PPP3CA: variants seen among roughly 807,000 people sequenced by gnomAD.
PPP3CA encodes protein phosphatase 3 catalytic subunit alpha.
In PPP3CA, 14 loss-of-function variants were observed where a neutral mutation model predicts 66.5. That is an observed-to-expected ratio of 0.21 (90% CI 0.14 to 0.33). The LOEUF (loss-of-function observed/expected upper bound fraction) is 0.33, where lower values mean the gene tolerates loss of function less well. Among genes scored for constraint, PPP3CA ranks in the 10% least tolerant of loss-of-function variants. The probability of loss-of-function intolerance (pLI) is 1.00; values close to 1 mark genes in which losing one functional copy is unlikely to be tolerated. For synonymous variants in PPP3CA, 232 were observed against 226.2 expected (o/e 1.03, Z -0.23); for missense variants, 317 against 639.5 (o/e 0.50, Z 5.44).
intron 2 of PPP3CA, among the ~76,000 whole-genome samples, chr4:101,123,970 A>T (rs1722116172): frequency 6.6e-6 from 1 of 152,214 alleles, no homozygotes; most frequent in Non-Finnish European, 1.5e-5. Flanking sequence ...GTACAGGTTA[A>T]TACTTCGGCA....
chr4:101,178,334 T>C (rs930443899), intron 2 of PPP3CA, among the ~76,000 whole-genome samples: 1 of 152,144 alleles, frequency 6.6e-6, no homozygotes, highest in African/African-American at 2.4e-5. Context: ...CAGATTTTAT[T>C]TGTCAGTAGC....
chr4:101,108,495 G>T (rs1721521667), intron 3 of PPP3CA, among the ~76,000 whole-genome samples: 1 of 152,208 alleles, frequency 6.6e-6, no homozygotes, highest in Admixed American at 6.5e-5. Context: ...GCCGGGCATG[G>T]TGGCTCACGC....
At chr4:101,345,874 G>A (rs1454093747) in intron 1 of PPP3CA, among the ~76,000 whole-genome samples, 1 of 152,248 alleles carries the variant, frequency 6.6e-6, no homozygotes, top group African/African-American at 2.4e-5. Flanking sequence ...GGAGGAAGCA[G>A]GCGGAATGAG....
intron 1 of PPP3CA, among the ~76,000 whole-genome samples, chr4:101,239,317 T>C (rs1726226508): frequency 6.6e-6 from 1 of 152,140 alleles, no homozygotes; most frequent in African/African-American, 2.4e-5. Flanking sequence ...CTAAAACAGT[T>C]TGATGTCACT....
Position 101,124,713 on chromosome 4 carries a change from GAAAGAA to G in PPP3CA, c.260-15641_260-15636del, listed in dbSNP as rs1722158188. ...AGAAAGAAAGAAAGAAAGAAAGAAA[GAAAGAA>G]AGAAAGAGAAAGAAAGAAAGAAAGA... On this transcript the variant is annotated intron_variant, in intron 2 of 13. Transcript: ENST00000394854. 7.8e-5 allele frequency among the ~76,000 whole-genome samples: 7 copies of G among 89,470 alleles called. No homozygotes were observed. The South Asian group carries it at 1.9e-3, about 24-fold the overall frequency. The allele number at this position is 89,470 out of a possible 152,430, so 58.7% of individuals were successfully genotyped here.
At chr4:101,262,401 T>A (rs999803564) in intron 1 of PPP3CA, among the ~76,000 whole-genome samples, 3 of 152,172 alleles carry the variant, frequency 2.0e-5, no homozygotes, top group Non-Finnish European at 4.4e-5. Flanking sequence ...ATTTACATTA[T>A]TGAAATCTTT....
chr4:101,214,339 T>TTAATAA (rs148221856), intron 1 of PPP3CA, among the ~76,000 whole-genome samples: 5 of 151,694 alleles, frequency 3.3e-5, no homozygotes, highest in Non-Finnish European at 7.4e-5. Flanking sequence ...GTTGTGAGGA[T>TTAATAA]TAATAATAAT....
At chr4:101,123,743 T>C (rs945527445) in intron 2 of PPP3CA, among the ~76,000 whole-genome samples, 32 of 152,152 alleles carry the variant, frequency 2.1e-4, no homozygotes, top group African/African-American at 7.5e-4. Context: ...GCTAGGAAGC[T>C]TGAATTTCAT....
chr4:101,095,641 T>C (rs929930863), intron 5 of PPP3CA, among the ~76,000 whole-genome samples: 5 of 152,210 alleles, frequency 3.3e-5, no homozygotes, highest in African/African-American at 1.2e-4. Flanking sequence ...GCTAGTTATA[T>C]TCATGCAGAA....
chr4:101,304,885 GACTA>G lies in PPP3CA; in HGVS notation c.58+41850_58+41853del, dbSNP rs554016974. Among the ~76,000 whole-genome samples, 757 of 152,270 alleles carry G rather than the reference GACTA, an allele frequency of 5.0e-3. 5 individuals carry two copies. The highest frequency in any genetic ancestry group is 0.016 in the African/African-American group (679 of 41,540). ...TTTTTATGTGCTACAATCTATACGAGACTAACTAAACAGGCCAGTCAGTCTGGCC... is the reference window on the plus strand; with the variant it reads ...TTTTTATGTGCTACAATCTATACGAGACTAAACAGGCCAGTCAGTCTGGCC... On this transcript the variant is annotated intron_variant, in intron 1 of 13. Transcript: ENST00000394854.
chr4:101,095,000 A>G (rs1730130466), intron 5 of PPP3CA, among the ~76,000 whole-genome samples: 1 of 151,974 alleles, frequency 6.6e-6, no homozygotes, highest in African/African-American at 2.4e-5. Flanking sequence ...TCTGGGACAT[A>G]CAAGATGTAA....
rs1408248631 is a variant in PPP3CA at position 101,328,357 on chromosome 4, C to G, written c.58+18382G>C. Among the ~76,000 whole-genome samples, 4 of 152,304 alleles carry G rather than the reference C, an allele frequency of 2.6e-5. No homozygotes were observed. In the East Asian group the frequency reaches 7.7e-4, roughly 29 times the overall value. ...ACAATTTAAGAATTGTATAACTAGG[C>G]TAACCCTAAACATTCATCATAGTAC... On this transcript the variant is annotated intron_variant, in intron 1 of 13. Coordinates refer to ENST00000394854, the MANE Select transcript of PPP3CA (RefSeq NM_000944.5).
chr4:101,321,073 T>C (rs1366422437), intron 1 of PPP3CA, among the ~76,000 whole-genome samples: 5 of 152,220 alleles, frequency 3.3e-5, no homozygotes, highest in African/African-American at 4.8e-5. Flanking sequence ...CAAGACAAAG[T>C]ATTTTTGGCA....
chr4:101,082,012 T>C (rs1729463365), intron 7 of PPP3CA, among the ~76,000 whole-genome samples: 1 of 152,220 alleles, frequency 6.6e-6, no homozygotes, highest in African/African-American at 2.4e-5. Flanking sequence ...ACAAAAATAC[T>C]TGATATTAAC....
At chr4:101,304,618 A>T (rs949077370) in intron 1 of PPP3CA, among the ~76,000 whole-genome samples, 2 of 152,250 alleles carry the variant, frequency 1.3e-5, no homozygotes, top group African/African-American at 4.8e-5. Flanking sequence ...AATTTCCTAA[A>T]TTTCGTCATG....
At chr4:101,278,552 G>A (rs990899903) in intron 1 of PPP3CA, among the ~76,000 whole-genome samples, 12 of 152,114 alleles carry the variant, frequency 7.9e-5, no homozygotes, top group African/African-American at 9.7e-5. Flanking sequence ...AGCAGACTGC[G>A]GATACCACAG....
chr4:101,186,895 C>T (rs1023826928), intron 2 of PPP3CA, among the ~76,000 whole-genome samples: 8 of 152,080 alleles, frequency 5.3e-5, no homozygotes, highest in Non-Finnish European at 8.8e-5. Context: ...ACAACAATAC[C>T]GGTCACAATA....
chr4:101,182,705 A>G (rs994270750), intron 2 of PPP3CA, among the ~76,000 whole-genome samples: 40 of 152,158 alleles, frequency 2.6e-4, no homozygotes, highest in African/African-American at 9.6e-4. Flanking sequence ...TGTGTTTGAC[A>G]TGGTTTAGCT....
At chr4:101,336,281 A>G (rs1729631611) in intron 1 of PPP3CA, among the ~76,000 whole-genome samples, 1 of 149,784 alleles carries the variant, frequency 6.7e-6, no homozygotes, top group African/African-American at 2.5e-5. Context: ...CTTAAGAACA[A>G]GAAAGCTGGC....
Sources: gnomAD v4.1 joint callset for allele counts (sites outside exome capture counted in the v4.1 genomes callset) on GRCh38, gnomAD v4.1.1 for gene constraint, MANE v1.5 for transcripts, NCBI Gene and HGNC (gene_info 2026-07-23, HGNC 2026-07-21) for gene names.